THSD7B: variants seen among roughly 807,000 people sequenced by gnomAD.
The protein encoded by THSD7B is thrombospondin type-1 domain-containing protein 7B.
THSD7B carries 138 observed loss-of-function variants against 213.6 expected under a neutral mutation model. The ratio of observed to expected loss-of-function variants is 0.65; its 90% CI spans 0.56 to 0.74. The LOEUF (loss-of-function observed/expected upper bound fraction) is 0.74. Among genes scored for constraint, THSD7B ranks in the 30% least tolerant of loss-of-function variants. The probability of loss-of-function intolerance (pLI) is 0.00; values close to 1 mark genes in which losing one functional copy is unlikely to be tolerated. For missense variants in THSD7B, 1,931 were observed against 1,991.5 expected, an observed-to-expected ratio of 0.97 and a Z score of 0.58; for synonymous variants, 742 against 687.0, an observed-to-expected ratio of 1.08 and a Z score of -1.25.
intron 15 of THSD7B, among the ~76,000 whole-genome samples, chr2:137,510,946 T>A (rs1390700436): frequency 5.3e-5 from 8 of 152,198 alleles, no homozygotes; most frequent in Non-Finnish European, 1.0e-4. Flanking sequence ...CTATGCCACA[T>A]ATACCTATAC....
chr2:137,194,176 A>C (rs140733628), intron 7 of THSD7B, among the ~76,000 whole-genome samples: 4 of 152,222 alleles, frequency 2.6e-5, no homozygotes, highest in African/African-American at 9.6e-5. Context: ...AATAACATTA[A>C]GTAGGAAAAT....
chr2:136,794,346 A>C (rs933522931), intron 1 of THSD7B, among the ~76,000 whole-genome samples: 4 of 151,804 alleles, frequency 2.6e-5, no homozygotes, highest in Non-Finnish European at 5.9e-5. Context: ...ATGTAAAGCC[A>C]AAATTCCCAT....
At chr2:136,787,556 C>T (rs1681888504) in intron 1 of THSD7B, among the ~76,000 whole-genome samples, 1 of 152,002 alleles carries the variant, frequency 6.6e-6, no homozygotes, top group Non-Finnish European at 1.5e-5. Context: ...AACCAACTTC[C>T]CTGGTCTTTT....
At chr2:137,318,365 A>C (rs1039953464) in intron 12 of THSD7B, among the ~76,000 whole-genome samples, 3 of 152,196 alleles carry the variant, frequency 2.0e-5, no homozygotes, top group Admixed American at 6.5e-5. Context: ...CCAGGAATTG[A>C]GACTTAATGT....
chr2:137,404,450 T>G (rs1439956706), intron 12 of THSD7B, among the ~76,000 whole-genome samples: 1 of 102,038 alleles, frequency 9.8e-6, no homozygotes, highest in Non-Finnish European at 1.9e-5. Context: ...TATATATATA[T>G]ATATATATAT....
At chr2:137,379,307 C>A (rs969262673) in intron 12 of THSD7B, among the ~76,000 whole-genome samples, 1 of 152,182 alleles carries the variant, frequency 6.6e-6, no homozygotes, top group Admixed American at 6.5e-5. Context: ...TATAATTGGG[C>A]TCCTGCAGCC....
chr2:136,929,473 T>A (rs1306454051), intron 2 of THSD7B, among the ~76,000 whole-genome samples: 1 of 152,200 alleles, frequency 6.6e-6, no homozygotes, highest in Non-Finnish European at 1.5e-5. Flanking sequence ...GTCAGGTCTT[T>A]GTATGTCATC....
At chr2:137,532,165 C>T (rs1017934499) in intron 15 of THSD7B, among the ~76,000 whole-genome samples, 17 of 151,854 alleles carry the variant, frequency 1.1e-4, no homozygotes, top group African/African-American at 3.9e-4. Context: ...AAGAACATGC[C>T]TTGCAATTAC....
intron 1 of THSD7B, among the ~76,000 whole-genome samples, chr2:136,879,174 A>G (rs112257297): frequency 0.57 from 87,148 of 151,950 alleles, 26,828 homozygotes; most frequent in Non-Finnish European, 0.7. Context: ...TAAATAGGGA[A>G]TCCTTTCCCC....
At chr2:137,397,623 G>T (rs1686227002) in intron 12 of THSD7B, among the ~76,000 whole-genome samples, 2 of 150,248 alleles carry the variant, frequency 1.3e-5, no homozygotes, top group Admixed American at 6.6e-5. Flanking sequence ...CAACTTTGGT[G>T]AATCTGACAA....
chr2:136,946,933 C>A (rs1410143041), intron 2 of THSD7B, among the ~76,000 whole-genome samples: 6 of 151,656 alleles, frequency 4.0e-5, no homozygotes, highest in African/African-American at 1.5e-4. Context: ...CAACCCCTTG[C>A]ACTTCCTGGG....
At chr2:137,138,199 T>A (rs1049400889) in intron 5 of THSD7B, among the ~76,000 whole-genome samples, 3 of 152,222 alleles carry the variant, frequency 2.0e-5, no homozygotes, top group African/African-American at 7.2e-5. Flanking sequence ...AGTTTTGGAA[T>A]ATGAAGGATT....
chr2:137,228,384 T>C (rs1357182616), intron 7 of THSD7B, among the ~76,000 whole-genome samples: 4 of 152,152 alleles, frequency 2.6e-5, no homozygotes, highest in Admixed American at 2.0e-4. Flanking sequence ...TTTGAGCACC[T>C]GAAGTGAATA....
rs1163588458 is a variant in THSD7B at position 137,363,562 on chromosome 2, A to G, written c.2501-42051A>G. 5.3e-5 allele frequency among the ~76,000 whole-genome samples: 8 copies of G among 152,192 alleles called. No homozygotes were observed. The South Asian group carries it at 1.4e-3, about 28-fold the overall frequency. On this transcript the variant is annotated intron_variant, in intron 12 of 27. Transcript: ENST00000409968. ...AAAAAATGATAAAGGGGATATCACC[A>G]CCGATCCCACAGAAATACAAACTAC...
At chr2:137,591,954 A>G (rs1199295351) in intron 17 of THSD7B, among the ~76,000 whole-genome samples, 1 of 151,240 alleles carries the variant, frequency 6.6e-6, no homozygotes, top group Non-Finnish European at 1.5e-5. Flanking sequence ...TCTTTCTTTT[A>G]AAGAAGACTT....
chr2:137,604,393 A>C (rs1682133781), intron 17 of THSD7B, among the ~76,000 whole-genome samples: 1 of 152,180 alleles, frequency 6.6e-6, no homozygotes, highest in Non-Finnish European at 1.5e-5. Flanking sequence ...ACTCTATAGC[A>C]GCAGTTTTGA....
At chr2:137,217,331 A>G (rs1299243999) in intron 7 of THSD7B, among the ~76,000 whole-genome samples, 1 of 152,234 alleles carries the variant, frequency 6.6e-6, no homozygotes, top group Non-Finnish European at 1.5e-5. Context: ...ATCTAAAGCC[A>G]TTAATAGAGA....
At chr2:137,096,276 G>GA (rs544965578) in intron 4 of THSD7B, among the ~76,000 whole-genome samples, 14 of 152,034 alleles carry the variant, frequency 9.2e-5, no homozygotes, top group Non-Finnish European at 1.0e-4. Flanking sequence ...AATAAAGTAA[G>GA]AAAAAAATAG....
rs772276264 is a variant in THSD7B, at chr2:137,620,867, G to A, written c.3799+141G>A. The A allele has an allele frequency of 4.6e-6, 3 of 658,032 alleles. No individual in the cohort carries two copies. In the East Asian group the frequency reaches 8.3e-5, roughly 18 times the overall value. 40.8% of individuals were successfully genotyped at this position (658,032 alleles called of 1,614,324 possible). On this transcript the variant is annotated intron_variant, in intron 20 of 27. Transcript: ENST00000409968. ...TGACCCACAGGGGAAGAAAAACAGA[G>A]CCTGGCCTCATATCAGTCCAGGAGA... is the stretch of plus-strand genomic sequence containing the variant.
Sources: allele counts gnomAD v4.1 joint callset (sites outside exome capture counted in the v4.1 genomes callset), GRCh38; gene constraint gnomAD v4.1.1; transcripts MANE v1.5; gene names NCBI Gene and HGNC (gene_info 2026-07-23, HGNC 2026-07-21).